FAF1: variants seen among roughly 807,000 people sequenced by gnomAD.
FAF1 encodes the protein FAS-associated factor 1.
Under a neutral mutation model 92.5 loss-of-function variants are expected in FAF1, and 25 were observed. The ratio of observed to expected loss-of-function variants is 0.27; its 90% CI spans 0.20 to 0.38. FAF1 has a LOEUF of 0.38. FAF1 is among the 10% of genes least tolerant of loss of function. FAF1 has a pLI of 1.00. For synonymous variants in FAF1, 234 were observed against 273.2 expected, an observed-to-expected ratio of 0.86 and a Z score of 1.42; for missense variants, 636 against 793.3, an observed-to-expected ratio of 0.80 and a Z score of 2.38.
intron 2 of FAF1, among the ~76,000 whole-genome samples, chr1:50,849,161 G>A (rs1644327662): frequency 6.6e-6 from 1 of 151,990 alleles, no homozygotes; most frequent in Non-Finnish European, 1.5e-5. Flanking sequence ...CAGCTACTCA[G>A]GAGGCTGAGG....
At chr1:50,678,618 A>G (rs1043091323) in intron 7 of FAF1, among the ~76,000 whole-genome samples, 2 of 151,672 alleles carry the variant, frequency 1.3e-5, no homozygotes, top group African/African-American at 4.8e-5. Context: ...CGTCTCTACT[A>G]AAAATACAAA....
intron 6 of FAF1, among the ~76,000 whole-genome samples, chr1:50,717,717 C>A (rs1442778423): frequency 6.6e-6 from 1 of 152,102 alleles, no homozygotes; most frequent in African/African-American, 2.4e-5. Flanking sequence ...ACACTTAAGA[C>A]CTGGCTGGGA....
chr1:50,592,706 G>T (rs951768155), intron 9 of FAF1, among the ~76,000 whole-genome samples: 2 of 152,160 alleles, frequency 1.3e-5, no homozygotes, highest in Non-Finnish European at 2.9e-5. Flanking sequence ...CCAACACTTT[G>T]GGAGGCCAAG....
At chr1:50,620,514 A>G (rs149510508) in intron 8 of FAF1, among the ~76,000 whole-genome samples, 282 of 152,332 alleles carry the variant, frequency 1.9e-3, no homozygotes, top group Middle Eastern at 3.4e-3. Flanking sequence ...ATCTCAATGC[A>G]CTTCGTTGAC....
chr1:50,788,294 T>A (rs1468512571), intron 3 of FAF1, 89 bp from the exon 4 acceptor site: 44 of 1,098,886 alleles, frequency 4.0e-5, no homozygotes, highest in Non-Finnish European at 5.7e-5. Context: ...GCTTGTGTTG[T>A]TCTTCCTATC....
intron 1 of FAF1, among the ~76,000 whole-genome samples, chr1:50,929,415 T>C (rs565900935): frequency 2.1e-4 from 32 of 152,324 alleles, no homozygotes; most frequent in Admixed American, 1.6e-3. Flanking sequence ...TATGAATATA[T>C]GTGAACTAAA....
chr1:50,723,005 G>GTATTAAGGAAGGA (rs1553132233), intron 6 of FAF1, among the ~76,000 whole-genome samples: 1 of 152,146 alleles, frequency 6.6e-6, no homozygotes, highest in Non-Finnish European at 1.5e-5. Flanking sequence ...GACTTATGTT[G>GTATTAAGGAAGGA]TATTAAGGAA....
At chr1:50,816,456 G>C (rs1255459259) in intron 2 of FAF1, among the ~76,000 whole-genome samples, 1 of 151,846 alleles carries the variant, frequency 6.6e-6, no homozygotes, top group Non-Finnish European at 1.5e-5. Flanking sequence ...CTTCCGCCTC[G>C]GCCTCCCAAA....
chr1:50,638,426 GCTTTTT>G (rs1157866004), intron 8 of FAF1, among the ~76,000 whole-genome samples: 55 of 150,006 alleles, frequency 3.7e-4, no homozygotes, highest in East Asian at 1.6e-3. Flanking sequence ...GGTAGGTATT[GCTTTTT>G]CTTTTTCTTT....
intron 4 of FAF1, among the ~76,000 whole-genome samples, chr1:50,763,278 A>G (rs963038602): frequency 2.0e-5 from 3 of 152,146 alleles, no homozygotes; most frequent in Admixed American, 2.0e-4. Flanking sequence ...TACATAAAAT[A>G]TAAAATAAAA....
intron 1 of FAF1, among the ~76,000 whole-genome samples, chr1:50,865,760 G>C (rs1342524327): frequency 7.0e-6 from 1 of 142,154 alleles, no homozygotes; most frequent in East Asian, 2.1e-4. Flanking sequence ...AATGGGTGCA[G>C]CACACCAGCA....
chr1:50,819,740 C>CGTATATATATATATATATATATACGT (rs3062921), intron 2 of FAF1, among the ~76,000 whole-genome samples: 1 of 28,036 alleles, frequency 3.6e-5, no homozygotes, highest in Non-Finnish European at 6.4e-5. Context: ...CATATATATA[C>CGTATATATATATATATATATATACGT]ATATATATAT....
chr1:50,858,415 T>C (rs1644406980), intron 1 of FAF1, among the ~76,000 whole-genome samples: 2 of 151,708 alleles, frequency 1.3e-5, no homozygotes, highest in Admixed American at 6.6e-5. Context: ...AATCGAAAAC[T>C]ATAAAACTAG....
chr1:50,811,787 T>G (rs1211129542), intron 2 of FAF1, among the ~76,000 whole-genome samples: 1 of 152,136 alleles, frequency 6.6e-6, no homozygotes, highest in Non-Finnish European at 1.5e-5. Context: ...AGCAAAAAAC[T>G]GGAGGCACCA....
At chr1:50,811,631 T>C (rs576369310) in intron 2 of FAF1, among the ~76,000 whole-genome samples, 1 of 152,210 alleles carries the variant, frequency 6.6e-6, no homozygotes, top group Non-Finnish European at 1.5e-5. Flanking sequence ...ATGGCCACAC[T>C]GCCTAAAGCA....
At chr1:50,862,961 C>G (rs1402110043) in intron 1 of FAF1, among the ~76,000 whole-genome samples, 1 of 151,814 alleles carries the variant, frequency 6.6e-6, no homozygotes, top group Non-Finnish European at 1.5e-5. Context: ...CAGCACTAGA[C>G]AGAAAGTCAA....
chr1:50,498,381 A>G (rs1296924927), intron 15 of FAF1, among the ~76,000 whole-genome samples: 2 of 152,224 alleles, frequency 1.3e-5, no homozygotes, highest in Non-Finnish European at 2.9e-5. Flanking sequence ...CATTGAAAGC[A>G]TAAAAAGAAA....
intron 13 of FAF1, among the ~76,000 whole-genome samples, chr1:50,553,493 T>C (rs572408917): frequency 1.3e-5 from 2 of 152,318 alleles, no homozygotes; most frequent in South Asian, 4.1e-4. Context: ...TAGTAAAGAA[T>C]GGCAGAAATC....
chr1:50,579,218 A>C (rs1247796238), intron 12 of FAF1, among the ~76,000 whole-genome samples: 1 of 152,148 alleles, frequency 6.6e-6, no homozygotes, highest in Non-Finnish European at 1.5e-5. Context: ...GACACTTAGT[A>C]AAAGTTCTTT....
Sources: allele counts gnomAD v4.1 joint callset (sites outside exome capture counted in the v4.1 genomes callset), GRCh38; gene constraint gnomAD v4.1.1; transcripts MANE v1.5; gene names NCBI Gene and HGNC (gene_info 2026-07-23, HGNC 2026-07-21).